The following COMMD10 variants were observed in gnomAD, a reference collection of about 807,000 sequenced individuals.
COMMD10 encodes the protein COMM domain containing 10.
Under a neutral mutation model 28.9 loss-of-function variants are expected in COMMD10, and 33 were observed. The observed-to-expected ratio is 1.14, with a 90% CI of 0.87 to 1.53. The LOEUF is 1.53. Ranked by LOEUF, COMMD10 falls within the 40% of genes most tolerant of loss-of-function variation. COMMD10 has a pLI of 0.00. For synonymous variants in COMMD10, 110 were observed against 81.7 expected (o/e 1.35, Z -1.87); for missense variants, 310 against 233.4 (o/e 1.33, Z -2.14).
intron 5 of COMMD10, among the ~76,000 whole-genome samples, chr5:116,232,435 G>A (rs1291244571): frequency 1.3e-5 from 2 of 152,050 alleles, no homozygotes; most frequent in Non-Finnish European, 2.9e-5. Flanking sequence ...TCAATCCATG[G>A]TGTTGGTACC....
chr5:116,252,379 C>T (rs1420220253), intron 5 of COMMD10, among the ~76,000 whole-genome samples: 3 of 139,746 alleles, frequency 2.1e-5, no homozygotes, highest in Non-Finnish European at 3.1e-5. Context: ...TTGCCTGTGC[C>T]TATGTCCTGA....
chr5:116,120,943 T>C (rs77836770), intron 4 of COMMD10, among the ~76,000 whole-genome samples: 2,048 of 152,228 alleles, frequency 0.013, 58 homozygotes, highest in African/African-American at 0.045. Flanking sequence ...TGTATATGTT[T>C]TGTATGTGTA....
chr5:116,137,182 A>C (rs747824139), intron 5 of COMMD10, among the ~76,000 whole-genome samples: 1 of 151,964 alleles, frequency 6.6e-6, no homozygotes, highest in Non-Finnish European at 1.5e-5. Flanking sequence ...TGTACTCTTC[A>C]TCTTATTCCT....
At chr5:116,164,467 TG>T (rs1287776758) in intron 5 of COMMD10, among the ~76,000 whole-genome samples, 1 of 152,246 alleles carries the variant, frequency 6.6e-6, no homozygotes, top group Non-Finnish European at 1.5e-5. Flanking sequence ...AATTTTTCAT[TG>T]GTTTAGAGAA....
At chr5:116,126,989 A>G (rs1006856824) in intron 4 of COMMD10, among the ~76,000 whole-genome samples, 9 of 152,192 alleles carry the variant, frequency 5.9e-5, no homozygotes, top group Non-Finnish European at 1.0e-4. Context: ...TGAACAGGCA[A>G]CCTACAGAAT....
At chr5:116,277,836 CTG>C (rs1451872003) in intron 5 of COMMD10, among the ~76,000 whole-genome samples, 1 of 151,910 alleles carries the variant, frequency 6.6e-6, no homozygotes, top group Non-Finnish European at 1.5e-5. Context: ...TTTTCTTACT[CTG>C]TGAATTACAT....
rs1580566235 is a variant in COMMD10, at chr5:116,230,000, A to G, written c.511-61517A>G. Among the ~76,000 whole-genome samples, 5 of 152,024 alleles carry G rather than the reference A, an allele frequency of 3.3e-5. No homozygotes were observed. The South Asian group carries it at 1.0e-3, about 32-fold the overall frequency. On this transcript the variant is annotated intron_variant, in intron 5 of 6. Transcript: ENST00000274458. Reference sequence around the variant, plus strand: ...AATCAAGACTAGCTTACTCCCTGTTAATGATTCAATCAATTGAGTATAAAC... The same window carrying G: ...AATCAAGACTAGCTTACTCCCTGTTGATGATTCAATCAATTGAGTATAAAC...
chr5:116,141,931 T>C (rs1198561801), intron 5 of COMMD10, among the ~76,000 whole-genome samples: 1 of 151,836 alleles, frequency 6.6e-6, no homozygotes, highest in Non-Finnish European at 1.5e-5. Context: ...AATTTTATTG[T>C]CCTCTCTCAA....
intron 5 of COMMD10, among the ~76,000 whole-genome samples, chr5:116,265,607 C>T (rs917941537): frequency 2.0e-5 from 3 of 151,656 alleles, no homozygotes; most frequent in African/African-American, 7.3e-5. Flanking sequence ...ATTTATTAAA[C>T]ATCTGTTGTA....
intron 5 of COMMD10, among the ~76,000 whole-genome samples, chr5:116,191,916 C>A (rs1005688344): frequency 1.3e-5 from 2 of 151,512 alleles, no homozygotes; most frequent in African/African-American, 2.4e-5. Flanking sequence ...TCCCACCCCC[C>A]ACTAACTCCA....
chr5:116,092,411 C>T, intron 3 of COMMD10, 134 bp from the exon 4 acceptor site: 2 of 516,756 alleles, frequency 3.9e-6, no homozygotes, highest in Non-Finnish European at 6.3e-6. Context: ...GTAAAATAAC[C>T]AAAAATGTTG....
chr5:116,121,065 G>A (rs1751414227), intron 4 of COMMD10, among the ~76,000 whole-genome samples: 2 of 152,044 alleles, frequency 1.3e-5, no homozygotes, highest in African/African-American at 4.8e-5. Flanking sequence ...CATGTGCCAT[G>A]TTGTTATGCC....
chr5:116,230,521 C>T (rs527704094), intron 5 of COMMD10, among the ~76,000 whole-genome samples: 1 of 152,004 alleles, frequency 6.6e-6, no homozygotes, highest in Non-Finnish European at 1.5e-5. Flanking sequence ...TAAGGAAACA[C>T]AAATTTATGT....
At chr5:116,140,313 A>G (rs886478362) in intron 5 of COMMD10, among the ~76,000 whole-genome samples, 5 of 150,104 alleles carry the variant, frequency 3.3e-5, no homozygotes, top group Non-Finnish European at 7.4e-5. Context: ...ATGGACACAT[A>G]CACATACCAC....
intron 5 of COMMD10, among the ~76,000 whole-genome samples, chr5:116,278,062 A>G (rs1467565207): frequency 1.3e-5 from 2 of 151,884 alleles, no homozygotes; most frequent in African/African-American, 4.9e-5. Flanking sequence ...CTCAGCCAAG[A>G]TAGTAACACA....
rs550973441 is a variant in COMMD10 at position 116,092,570 on chromosome 5, C to G, written c.269C>G (p.Ala90Gly). The G allele has an allele frequency of 3.7e-6, 6 of 1,605,314 alleles. No homozygotes were observed. Among genetic ancestry groups the G allele is most frequent in the Admixed American group, 1.7e-5 (1 of 58,474 alleles). The change falls in exon 4 of 7, where the codon GCA becomes GGA. Residue 90 changes from alanine to glycine, a missense_variant. Ala to Gly is a moderately conservative substitution (Grantham distance 60). Transcript: ENST00000274458. ...EQAVYHNVKP[A>G]ALQQQLENIH... ...GCAGTGTATCACAATGTGAAGCCAG[C>G]AGCTTTGCAGCAGCAATTAGAGAAC...
Position 116,214,749 on chromosome 5 carries a change from A to G in COMMD10, c.511-76768A>G, listed in dbSNP as rs566136696. ...ATTTTGGGACTCCAGGCCTCAGTAT[A>G]CATTAACATAGGAAATATACCCATT... On this transcript the variant is annotated intron_variant, in intron 5 of 6. Coordinates refer to ENST00000274458, the MANE Select transcript of COMMD10 (RefSeq NM_016144.4). Among the ~76,000 whole-genome samples, 4 of 152,274 alleles carry G rather than the reference A, an allele frequency of 2.6e-5. No individual in the cohort carries two copies. In the South Asian group the frequency reaches 8.3e-4, roughly 32 times the overall value.
chr5:116,151,963 T>G (rs941956823), intron 5 of COMMD10, among the ~76,000 whole-genome samples: 1 of 152,078 alleles, frequency 6.6e-6, no homozygotes, highest in Non-Finnish European at 1.5e-5. Flanking sequence ...TGTCAGTTTT[T>G]GATCTTTCCT....
At chr5:116,218,195 G>A (rs976059724) in intron 5 of COMMD10, 3 of 787,958 alleles carry the variant, frequency 3.8e-6, no homozygotes, top group Non-Finnish European at 6.9e-6. Context: ...TGGCTTTGGA[G>A]AAGCAGGTTT....
Sources: allele counts gnomAD v4.1 joint callset (sites outside exome capture counted in the v4.1 genomes callset), GRCh38; gene constraint gnomAD v4.1.1; transcripts MANE v1.5; gene names NCBI Gene and HGNC (gene_info 2026-07-23, HGNC 2026-07-21).